PAX5: variants seen among roughly 807,000 people sequenced by gnomAD.
PAX5 encodes paired box protein Pax-5.
Under a neutral mutation model 43.7 loss-of-function variants are expected in PAX5, and 9 were observed. The observed-to-expected ratio is 0.21, with a 90% CI of 0.12 to 0.36. The LOEUF is 0.36. PAX5 is among the 10% of genes least tolerant of loss of function. The pLI, the probability that PAX5 is intolerant of heterozygous loss-of-function variation, is 1.00. For synonymous variants in PAX5, 228 were observed against 214.3 expected (o/e 1.06, Z -0.56); for missense variants, 383 against 532.7 (o/e 0.72, Z 2.77).
chr9:36,909,501 G>A (rs1439929679), intron 7 of PAX5, among the ~76,000 whole-genome samples: 1 of 152,266 alleles, frequency 6.6e-6, no homozygotes, highest in Non-Finnish European at 1.5e-5. Context: ...GACAGGTAAG[G>A]CTGGCTGGAG....
At chr9:36,899,405 G>A (rs749956512) in intron 7 of PAX5, among the ~76,000 whole-genome samples, 5 of 152,200 alleles carry the variant, frequency 3.3e-5, no homozygotes, top group African/African-American at 4.8e-5. Flanking sequence ...TACCCATCAC[G>A]ATGTTTGGCG....
chr9:37,013,716 A>T (rs554669307), intron 3 of PAX5, among the ~76,000 whole-genome samples: 1 of 152,310 alleles, frequency 6.6e-6, no homozygotes, highest in Admixed American at 6.5e-5. Context: ...CTGGACAAAG[A>T]GCCCCTCTGG....
At chr9:36,946,715 C>A (rs923537235) in intron 6 of PAX5, among the ~76,000 whole-genome samples, 4 of 152,164 alleles carry the variant, frequency 2.6e-5, no homozygotes, top group African/African-American at 9.7e-5. Context: ...GGACACTTTG[C>A]GGTTTAAGTC....
chr9:37,011,940 A>T (rs1289728771), intron 3 of PAX5, among the ~76,000 whole-genome samples: 1 of 152,202 alleles, frequency 6.6e-6, no homozygotes, highest in Non-Finnish European at 1.5e-5. Context: ...AGCTGCATTC[A>T]TCTGAATGCA....
intron 8 of PAX5, among the ~76,000 whole-genome samples, chr9:36,848,350 CCACACA>C (rs55793420): frequency 2.2e-5 from 3 of 136,364 alleles, no homozygotes; most frequent in South Asian, 2.5e-4. Context: ...CAGAGCGTGT[CCACACA>C]CACACACACA....
chr9:36,879,039 C>T (rs1187619470), intron 8 of PAX5, among the ~76,000 whole-genome samples: 1 of 152,244 alleles, frequency 6.6e-6, no homozygotes, highest in Non-Finnish European at 1.5e-5. Context: ...GGCTCCCAGG[C>T]AGCAGGCTCC....
chr9:36,879,120 G>T (rs1826172603), intron 8 of PAX5, among the ~76,000 whole-genome samples: 1 of 152,198 alleles, frequency 6.6e-6, no homozygotes, highest in Non-Finnish European at 1.5e-5. Flanking sequence ...AGAGTCCCAT[G>T]GGGCCCTGGG....
At chr9:37,009,730 A>G (rs1838767002) in intron 3 of PAX5, among the ~76,000 whole-genome samples, 2 of 152,126 alleles carry the variant, frequency 1.3e-5, no homozygotes, top group Non-Finnish European at 2.9e-5. Context: ...GGGGATGCAT[A>G]CCCCATTTTT....
chr9:36,957,021 C>G (rs1043667793), intron 6 of PAX5, among the ~76,000 whole-genome samples: 7 of 152,170 alleles, frequency 4.6e-5, no homozygotes, highest in African/African-American at 1.7e-4. Flanking sequence ...AGCCTTGTCC[C>G]CCCCACTTCC....
chr9:36,908,178 C>T (rs1828970166), intron 7 of PAX5, among the ~76,000 whole-genome samples: 2 of 148,762 alleles, frequency 1.3e-5, no homozygotes, highest in Admixed American at 6.7e-5. Flanking sequence ...CAGCCTGGGC[C>T]ACAGGGTAAG....
At chr9:36,965,917 A>G (rs912351718) in intron 6 of PAX5, among the ~76,000 whole-genome samples, 1 of 152,182 alleles carries the variant, frequency 6.6e-6, no homozygotes, top group African/African-American at 2.4e-5. Context: ...TCTCATCTCT[A>G]TAGCCACAGG....
chr9:36,899,087 C>A (rs1195845632), intron 7 of PAX5, among the ~76,000 whole-genome samples: 2 of 152,182 alleles, frequency 1.3e-5, no homozygotes, highest in Admixed American at 6.5e-5. Flanking sequence ...GGTTCCAGCA[C>A]CCCCACCAGC....
chr9:36,888,289 G>A (rs4416912), intron 7 of PAX5, among the ~76,000 whole-genome samples: 124,575 of 152,212 alleles, frequency 0.82, 52,129 homozygotes, highest in Non-Finnish European at 0.91. Context: ...AAATAAGAAC[G>A]TATGTCCACA....
intron 7 of PAX5, among the ~76,000 whole-genome samples, chr9:36,886,049 C>T (rs753915716): frequency 6.6e-6 from 1 of 152,012 alleles, no homozygotes; most frequent in Non-Finnish European, 1.5e-5. Flanking sequence ...GTGCCCTTCT[C>T]CCTTATCCTG....
At chr9:36,923,287 C>A in intron 7 of PAX5, 68 bp downstream of exon 7, 1 of 1,545,524 alleles carries the variant, frequency 6.5e-7, no homozygotes, top group Non-Finnish European at 8.7e-7. Context: ...AGAAGCCACT[C>A]TTCCCACCAC....
At chr9:36,945,442 A>G (rs530199803) in intron 6 of PAX5, among the ~76,000 whole-genome samples, 35 of 152,094 alleles carry the variant, frequency 2.3e-4, no homozygotes, top group Non-Finnish European at 4.3e-4. Context: ...AGGTCTTACT[A>G]TGTTACCCAG....
At chr9:37,026,649 G>C (rs908408326) in intron 1 of PAX5, 75 of 1,350,378 alleles carry the variant, frequency 5.6e-5, no homozygotes, top group Non-Finnish European at 6.8e-5. Context: ...GGCGGATAGG[G>C]AGCCTCGCCA....
intron 7 of PAX5, among the ~76,000 whole-genome samples, chr9:36,887,205 T>C (rs928835492): frequency 6.6e-6 from 1 of 152,180 alleles, no homozygotes; most frequent in African/African-American, 2.4e-5. Flanking sequence ...TGCTAAAACA[T>C]TCTATGAAGT....
chr9:36,976,250 G>T (rs1835416998), intron 5 of PAX5, among the ~76,000 whole-genome samples: 1 of 152,178 alleles, frequency 6.6e-6, no homozygotes, highest in African/African-American at 2.4e-5. Flanking sequence ...ATTGCTCAGA[G>T]TCCAACAACA....
Sources: gnomAD v4.1 joint callset for allele counts (sites outside exome capture counted in the v4.1 genomes callset) on GRCh38, gnomAD v4.1.1 for gene constraint, MANE v1.5 for transcripts, NCBI Gene and HGNC (gene_info 2026-07-23, HGNC 2026-07-21) for gene names.